Variants in PCDHA4 observed in about 807,000 individuals in gnomAD.
The protein encoded by PCDHA4 is protocadherin alpha-4.
In PCDHA4, 49 loss-of-function variants were observed where a neutral mutation model predicts 61.4. The ratio of observed to expected loss-of-function variants is 0.80; its 90% CI spans 0.63 to 1.01. The LOEUF (loss-of-function observed/expected upper bound fraction) is 1.01, where lower values mean the gene tolerates loss of function less well. Ranked by LOEUF, PCDHA4 falls within the 50% of genes least tolerant of loss-of-function variation. The probability of loss-of-function intolerance (pLI) is 0.00; values close to 1 mark genes in which losing one functional copy is unlikely to be tolerated. For missense variants in PCDHA4, 1,254 were observed against 1,235.8 expected (o/e 1.01, Z -0.22); for synonymous variants, 590 against 550.3 (o/e 1.07, Z -1.01).
chr5:140,836,200 G>C lies in PCDHA4; in HGVS notation c.2385+26628G>C, dbSNP rs2150255227. ...GACGCTGACTCAGGCTACAACGCGT[G>C]GCTTTCGTATGAGTTGCAACCGGTG... On this transcript the variant is annotated intron_variant, in intron 1 of 3. Transcript: ENST00000530339. 4 of 1,613,854 alleles carry C rather than the reference G, an allele frequency of 2.5e-6. No individual in the cohort carries two copies. The South Asian group carries it at 4.4e-5, about 18-fold the overall frequency.
At chr5:141,003,053 C>T (rs1554258899) in intron 3 of PCDHA4, among the ~76,000 whole-genome samples, 3 of 152,206 alleles carry the variant, frequency 2.0e-5, no homozygotes, top group African/African-American at 7.2e-5. Flanking sequence ...CTTAACAGAA[C>T]AGTTCCAAAT....
At position 140,876,102 on chromosome 5, in the gene PCDHA4, A is replaced by G. The variant is rs1363448025; in HGVS notation, c.2385+66530A>G. 4 of 1,613,844 alleles carry G rather than the reference A, an allele frequency of 2.5e-6. No individual in the cohort carries two copies. The African/African-American group carries it at 4.0e-5, about 16-fold the overall frequency. ...GAGAGCAAACGCCAAAACTCAATTT[A>G]TTGCTGATGGTAATCGATGGCGGTA... On this transcript the variant is annotated intron_variant, in intron 1 of 3. Coordinates refer to ENST00000530339, the MANE Select transcript of PCDHA4 (RefSeq NM_018907.4).
chr5:140,823,131 G>A (rs142929389), intron 1 of PCDHA4: 5 of 1,614,008 alleles, frequency 3.1e-6, no homozygotes, highest in Middle Eastern at 1.7e-4. Flanking sequence ...ACAACGCTCC[G>A]GCGTTCGCGC....
At chr5:140,901,329 T>A (rs180738358) in intron 1 of PCDHA4, among the ~76,000 whole-genome samples, 102 of 152,302 alleles carry the variant, frequency 6.7e-4, no homozygotes, top group Admixed American at 1.2e-3. Context: ...TTTCTTGTAG[T>A]CGTTTTATAG....
intron 1 of PCDHA4, chr5:140,876,776 T>C: frequency 1.2e-6 from 2 of 1,614,212 alleles, no homozygotes; most frequent in Non-Finnish European, 1.7e-6. Context: ...TCGCCTTCGC[T>C]GTGGGCCACG....
At chr5:140,954,592 T>G (rs1250050362) in intron 1 of PCDHA4, among the ~76,000 whole-genome samples, 13 of 152,236 alleles carry the variant, frequency 8.5e-5, no homozygotes, top group Non-Finnish European at 5.9e-5. Flanking sequence ...TCTGTTCATG[T>G]TCTTTGCCCA....
Position 140,979,011 on chromosome 5 carries a change from T to C in PCDHA4, c.2444+4T>C. On this transcript the variant is annotated splice_donor_region_variant and intron_variant, in intron 2 of 3. Coordinates refer to ENST00000530339, the MANE Select transcript of PCDHA4 (RefSeq NM_018907.4). ...CCCTGAGAGCAGGCATGCACAGGTA[T>C]GTATTTCCCTCCTCATTCACTCAGA... The C allele has an allele frequency of 6.2e-7, 1 of 1,613,950 alleles. No homozygotes were observed. The highest frequency in any genetic ancestry group is 8.5e-7 in the Non-Finnish European group (1 of 1,179,938).
rs371283858 is a variant in PCDHA4 at position 140,808,405 on chromosome 5, G to C, written c.1218G>C (p.Ser406=). The part of the protein sequence containing the change: ...KLVSTFKNYY[S]LVLDSALDRE... ...TGTCCACCTTCAAGAATTACTACTC[G>C]TTGGTGCTGGACAGTGCCCTGGACC... Residue 406 remains serine, a synonymous_variant, in exon 1 of 4, where the codon TCG becomes TCC. Coordinates refer to ENST00000530339, the MANE Select transcript of PCDHA4 (RefSeq NM_018907.4). The C allele has an allele frequency of 5.0e-6, 8 of 1,614,044 alleles. No individual in the cohort carries two copies. In the African/African-American group the frequency reaches 6.7e-5, roughly 13 times the overall value.
intron 1 of PCDHA4, chr5:140,823,085 C>G: frequency 6.2e-7 from 1 of 1,613,970 alleles, no homozygotes; most frequent in South Asian, 1.1e-5. Flanking sequence ...CTGTGGGCCA[C>G]CGCCAGCGTG....
At chr5:140,857,602 G>A in intron 1 of PCDHA4, 2 of 1,596,382 alleles carry the variant, frequency 1.3e-6, no homozygotes, top group Non-Finnish European at 8.6e-7. Context: ...AGGTGTACGC[G>A]CTGCAGCCGC....
At chr5:140,941,214 C>CTTTCTTTCTTTCTTTCTTT (rs1554214039) in intron 1 of PCDHA4, among the ~76,000 whole-genome samples, 2,124 of 122,372 alleles carry the variant, frequency 0.017, 57 homozygotes, top group East Asian at 0.032. Flanking sequence ...TTTCTTTCTT[C>CTTTCTTTCTTTCTTTCTTT]CTTTCTTTCT....
Position 140,822,061 on chromosome 5 carries a change from C to G in PCDHA4, c.2385+12489C>G, listed in dbSNP as rs2150113317. The G allele has an allele frequency of 1.9e-6, 3 of 1,614,168 alleles. No individual in the cohort carries two copies. The highest frequency in any genetic ancestry group is 2.2e-5 in the East Asian group (1 of 44,886). On this transcript the variant is annotated intron_variant, in intron 1 of 3. Coordinates refer to ENST00000530339, the MANE Select transcript of PCDHA4 (RefSeq NM_018907.4). Reference sequence around the variant, plus strand: ...TCGGATCGACCGGGAGGAGCTGTGCCGGCGGAGGGCGGAGTGCAGCATCCA... The same window carrying G: ...TCGGATCGACCGGGAGGAGCTGTGCGGGCGGAGGGCGGAGTGCAGCATCCA...
At chr5:140,942,638 A>T (rs1478847405) in intron 1 of PCDHA4, among the ~76,000 whole-genome samples, 1 of 152,122 alleles carries the variant, frequency 6.6e-6, no homozygotes, top group Non-Finnish European at 1.5e-5. Context: ...AAATGGCAAA[A>T]GAGATCTCAT....
intron 1 of PCDHA4, chr5:140,858,116 G>T: frequency 1.3e-6 from 2 of 1,597,882 alleles, no homozygotes; most frequent in Non-Finnish European, 1.7e-6. Context: ...GCCCGAGGTG[G>T]CCCTGGTGGA....
intron 3 of PCDHA4, among the ~76,000 whole-genome samples, chr5:140,997,720 G>A (rs973128921): frequency 3.3e-5 from 5 of 151,568 alleles, no homozygotes; most frequent in East Asian, 1.9e-4. Context: ...ACCTTTCTAC[G>A]TCAGTACATA....
chr5:140,982,218 G>T, intron 2 of PCDHA4: 1 of 523,694 alleles, frequency 1.9e-6, no homozygotes, highest in South Asian at 3.9e-5. Flanking sequence ...GCCACATGGC[G>T]TTAATAAAAA....
intron 3 of PCDHA4, among the ~76,000 whole-genome samples, chr5:140,997,109 G>A (rs1293025484): frequency 1.3e-5 from 2 of 152,022 alleles, no homozygotes; most frequent in Non-Finnish European, 2.9e-5. Flanking sequence ...ATGCACTCCT[G>A]CTCTCCCACA....
At chr5:140,842,758 G>A (rs1778250066) in intron 1 of PCDHA4, 3 of 1,594,690 alleles carry the variant, frequency 1.9e-6, no homozygotes, top group Non-Finnish European at 1.7e-6. Context: ...CGGTGTCTGC[G>A]CGAGACGCGG....
At chr5:140,867,473 GA>G (rs1319417026) in intron 1 of PCDHA4, 2 of 151,968 alleles carry the variant, frequency 1.3e-5, no homozygotes, top group Non-Finnish European at 2.9e-5. Flanking sequence ...ACAACATTGG[GA>G]AAAGAGTAAA....
Sources: gnomAD v4.1 joint callset for allele counts (sites outside exome capture counted in the v4.1 genomes callset) on GRCh38, gnomAD v4.1.1 for gene constraint, MANE v1.5 for transcripts, NCBI Gene and HGNC (gene_info 2026-07-23, HGNC 2026-07-21) for gene names.